Variants in IL1RAPL1 observed in about 807,000 individuals in gnomAD.
The protein encoded by IL1RAPL1 is interleukin-1 receptor accessory protein-like 1.
Under a neutral mutation model 48.4 loss-of-function variants are expected in IL1RAPL1, and 3 were observed. That is an observed-to-expected ratio of 0.06 (90% confidence interval 0.03 to 0.16). IL1RAPL1 has a LOEUF of 0.16. IL1RAPL1 is among the 10% of genes least tolerant of loss of function. IL1RAPL1 has a pLI of 1.00. For missense variants in IL1RAPL1, 349 were observed against 530.6 expected (o/e 0.66, Z 3.36); for synonymous variants, 185 against 187.7 (o/e 0.99, Z 0.12).
intron 5 of IL1RAPL1, among the ~76,000 whole-genome samples, chrX:29,414,192 G>C (rs1006411075): frequency 1.8e-5 from 2 of 111,000 alleles, no homozygotes; most frequent in African/African-American, 6.5e-5. Flanking sequence ...TTGGGGAACA[G>C]GGGAATGGGA....
chrX:29,106,967 C>T (rs906717616), intron 2 of IL1RAPL1, among the ~76,000 whole-genome samples: 1 of 111,710 alleles, frequency 9.0e-6, no homozygotes, highest in Non-Finnish European at 1.9e-5. Flanking sequence ...ATAGGTGTAA[C>T]TCAGTATCTC....
chrX:29,303,261 A>T (rs966949255), intron 3 of IL1RAPL1, among the ~76,000 whole-genome samples: 1 of 111,760 alleles, frequency 8.9e-6, no homozygotes, highest in Admixed American at 9.5e-5. Flanking sequence ...AGGCCATGAT[A>T]GTGGTAATCC....
Position 28,656,947 on chromosome X carries a change from AC to A in IL1RAPL1, c.-25+68904del, listed in dbSNP as rs1934756117. Among the ~76,000 whole-genome samples the A allele has an allele frequency of 4.9e-5, 5 of 101,379 alleles. No homozygotes were observed. In the South Asian group the frequency reaches 1.4e-3, roughly 28 times the overall value. The allele number at this position is 101,379 out of a possible 115,157, so 88.0% of individuals were successfully genotyped here. ...AGGCTGAGGCAGGAGAATGGCATGA[AC>A]CCCGGGAGGCGGAGCTTGCAGTGAG... On this transcript the variant is annotated intron_variant, in intron 1 of 10. Coordinates refer to ENST00000378993, the MANE Select transcript of IL1RAPL1 (RefSeq NM_014271.4).
chrX:28,877,792 C>G (rs1387348991), intron 2 of IL1RAPL1, among the ~76,000 whole-genome samples: 24 of 111,588 alleles, frequency 2.2e-4, no homozygotes, highest in Non-Finnish European at 4.0e-4. Flanking sequence ...ACCTTTACTT[C>G]ATCCTGTTTA....
At chrX:29,329,868 A>C (rs1025704308) in intron 3 of IL1RAPL1, among the ~76,000 whole-genome samples, 3 of 111,038 alleles carry the variant, frequency 2.7e-5, no homozygotes, top group African/African-American at 9.8e-5. Flanking sequence ...CTGACCCTTG[A>C]AAACATTATG....
At chrX:29,788,224 A>G (rs1353409918) in intron 6 of IL1RAPL1, among the ~76,000 whole-genome samples, 2 of 111,991 alleles carry the variant, frequency 1.8e-5, no homozygotes, top group Admixed American at 9.5e-5. Context: ...AGTGACTACT[A>G]TGTACCAGGC....
intron 2 of IL1RAPL1, among the ~76,000 whole-genome samples, chrX:29,191,345 T>C (rs1223561910): frequency 1.8e-5 from 2 of 111,980 alleles, no homozygotes; most frequent in Middle Eastern, 4.7e-3. Flanking sequence ...TCATGTTCCA[T>C]GAAACCTAGT....
chrX:29,092,250 G>A (rs1456205022), intron 2 of IL1RAPL1, among the ~76,000 whole-genome samples: 1 of 111,428 alleles, frequency 9.0e-6, no homozygotes, highest in Non-Finnish European at 1.9e-5. Context: ...GAGTAGCCAA[G>A]TCTTTCTTAT....
intron 3 of IL1RAPL1, among the ~76,000 whole-genome samples, chrX:29,395,202 T>C (rs1404666500): frequency 8.9e-6 from 1 of 111,762 alleles, no homozygotes; most frequent in African/African-American, 3.3e-5. Context: ...GTTAAATAAA[T>C]TGCCCAGTTT....
intron 6 of IL1RAPL1, among the ~76,000 whole-genome samples, chrX:29,779,629 AT>A (rs1245081480): frequency 1.5e-4 from 17 of 111,440 alleles, no homozygotes; most frequent in Non-Finnish European, 3.0e-4. Flanking sequence ...TAATAAAAAA[AT>A]AAAACAGATC....
Position 29,569,856 on chromosome X carries a change from T to C in IL1RAPL1, c.704-98574T>C, listed in dbSNP as rs144854086. 5.1e-3 allele frequency among the ~76,000 whole-genome samples: 566 copies of C among 112,079 alleles called. 8 individuals carry two copies. The highest frequency in any genetic ancestry group is 0.018 in the African/African-American group (543 of 30,934). ...TACTGATTTGGGCTACAAATAACAC[T>C]GCCTGGTTTTTTGTAGCCAGGTAGT... is the stretch of plus-strand genomic sequence containing the variant. On this transcript the variant is annotated intron_variant, in intron 5 of 10. Coordinates refer to ENST00000378993, the MANE Select transcript of IL1RAPL1 (RefSeq NM_014271.4).
chrX:29,261,869 T>G (rs990508389), intron 2 of IL1RAPL1, among the ~76,000 whole-genome samples: 1 of 111,661 alleles, frequency 9.0e-6, no homozygotes, highest in African/African-American at 3.3e-5. Flanking sequence ...TACCTTTCCT[T>G]TCTTTGGTGC....
At chrX:29,682,571 C>A (rs916789092) in intron 6 of IL1RAPL1, among the ~76,000 whole-genome samples, 5 of 111,964 alleles carry the variant, frequency 4.5e-5, no homozygotes, top group Admixed American at 2.8e-4. Context: ...TTTCTCTCAT[C>A]ATTTTTGTAC....
intron 5 of IL1RAPL1, among the ~76,000 whole-genome samples, chrX:29,487,025 T>C (rs765555851): frequency 6.1e-4 from 63 of 103,771 alleles, no homozygotes; most frequent in African/African-American, 2.1e-3. Flanking sequence ...CAATGCTGAT[T>C]CGTAGACCAC....
chrX:29,644,591 C>G (rs141535415), intron 5 of IL1RAPL1, among the ~76,000 whole-genome samples: 2 of 109,120 alleles, frequency 1.8e-5, no homozygotes, highest in Non-Finnish European at 3.8e-5. Flanking sequence ...TTTTGAGACA[C>G]GTGCTCACTC....
intron 1 of IL1RAPL1, among the ~76,000 whole-genome samples, chrX:28,781,913 CTT>C (rs1204840651): frequency 1.8e-5 from 2 of 111,828 alleles, no homozygotes; most frequent in African/African-American, 6.5e-5. Flanking sequence ...ATTTAAATAA[CTT>C]TGATTACTAT....
At chrX:29,213,140 A>G (rs1250281639) in intron 2 of IL1RAPL1, among the ~76,000 whole-genome samples, 2 of 111,568 alleles carry the variant, frequency 1.8e-5, no homozygotes, top group Non-Finnish European at 3.8e-5. Flanking sequence ...CTGGGATTAC[A>G]GGCATCCACC....
At chrX:29,446,729 A>G (rs1934616286) in intron 5 of IL1RAPL1, among the ~76,000 whole-genome samples, 1 of 111,663 alleles carries the variant, frequency 9.0e-6, no homozygotes. Context: ...GGTTACATAT[A>G]GTATGCTCTT....
intron 5 of IL1RAPL1, among the ~76,000 whole-genome samples, chrX:29,483,158 A>C (rs1310727205): frequency 8.9e-6 from 1 of 112,054 alleles, no homozygotes; most frequent in Non-Finnish European, 1.9e-5. Context: ...TTTCAGAGCT[A>C]TTTTAGCCAC....
Sources: allele counts gnomAD v4.1 joint callset (sites outside exome capture counted in the v4.1 genomes callset), GRCh38; gene constraint gnomAD v4.1.1; transcripts MANE v1.5; gene names NCBI Gene and HGNC (gene_info 2026-07-23, HGNC 2026-07-21).